The following KIAA1217 variants were observed in gnomAD, a reference collection of about 807,000 sequenced individuals.
KIAA1217 encodes the protein sickle tail protein homolog.
A neutral mutation model predicts 163.9 loss-of-function variants in KIAA1217; 88 were observed. The observed-to-expected ratio is 0.54, with a 90% confidence interval of 0.45 to 0.64. The LOEUF is 0.64. KIAA1217 is among the 30% of genes least tolerant of loss of function. The probability of loss-of-function intolerance (pLI) is 0.00; values close to 1 mark genes in which losing one functional copy is unlikely to be tolerated. For missense variants in KIAA1217, 2,372 were observed against 2,475.0 expected, an observed-to-expected ratio of 0.96 and a Z score of 0.88; for synonymous variants, 903 against 923.1, an observed-to-expected ratio of 0.98 and a Z score of 0.39.
At chr10:24,499,086 G>A (rs932203809) in intron 8 of KIAA1217, among the ~76,000 whole-genome samples, 15 of 152,188 alleles carry the variant, frequency 9.9e-5, no homozygotes, top group African/African-American at 3.6e-4. Context: ...TATCAGAAAT[G>A]ATATGGCATG....
intron 2 of KIAA1217, among the ~76,000 whole-genome samples, chr10:24,224,500 C>A (rs1426260729): frequency 6.6e-6 from 1 of 151,550 alleles, no homozygotes; most frequent in Non-Finnish European, 1.5e-5. Flanking sequence ...CCACCATACA[C>A]CATACCCAGC....
intron 1 of KIAA1217, among the ~76,000 whole-genome samples, chr10:23,756,243 A>C (rs942235804): frequency 6.6e-6 from 1 of 151,952 alleles, no homozygotes; most frequent in Non-Finnish European, 1.5e-5. Context: ...GATTACAGGC[A>C]TGAGCCACCA....
intron 13 of KIAA1217, among the ~76,000 whole-genome samples, chr10:24,527,011 G>A (rs2072291957): frequency 6.6e-6 from 1 of 152,068 alleles, no homozygotes; most frequent in South Asian, 2.1e-4. Context: ...TTTCCACTCT[G>A]CCCCCTTAGA....
At chr10:23,773,800 C>T (rs1412814645) in intron 1 of KIAA1217, among the ~76,000 whole-genome samples, 1 of 152,062 alleles carries the variant, frequency 6.6e-6, no homozygotes, top group Non-Finnish European at 1.5e-5. Flanking sequence ...GATTTTTGTA[C>T]ATTGATTTTG....
chr10:24,510,945 T>A (rs894594399), intron 9 of KIAA1217, among the ~76,000 whole-genome samples: 5 of 152,064 alleles, frequency 3.3e-5, no homozygotes, highest in Non-Finnish European at 7.4e-5. Context: ...ATTCAACAGA[T>A]GTATTTTCAG....
intron 2 of KIAA1217, among the ~76,000 whole-genome samples, chr10:24,074,802 G>C (rs765531794): frequency 1.3e-5 from 2 of 149,716 alleles, no homozygotes; most frequent in Non-Finnish European, 3.0e-5. Flanking sequence ...CCGGGATCAA[G>C]TGATCCCCCA....
chr10:24,433,778 A>AAGTTAGAAT (rs149848801), intron 4 of KIAA1217, among the ~76,000 whole-genome samples: 10,794 of 152,208 alleles, frequency 0.071, 562 homozygotes, highest in East Asian at 0.16. Context: ...TACACATAAC[A>AAGTTAGAAT]AGTTAGAATA....
chr10:24,448,265 C>A (rs1344955915), intron 5 of KIAA1217, among the ~76,000 whole-genome samples: 2 of 152,028 alleles, frequency 1.3e-5, no homozygotes, highest in African/African-American at 4.8e-5. Flanking sequence ...CTGGAGTTTT[C>A]AGGAGTTGAA....
intron 1 of KIAA1217, among the ~76,000 whole-genome samples, chr10:24,215,789 G>A (rs189695040): frequency 6.6e-6 from 1 of 152,324 alleles, no homozygotes; most frequent in East Asian, 1.9e-4. Flanking sequence ...GGCGTTAGGT[G>A]GCTCTGAGTG....
At chr10:24,259,198 A>G (rs1289918749) in intron 2 of KIAA1217, among the ~76,000 whole-genome samples, 1 of 151,974 alleles carries the variant, frequency 6.6e-6, no homozygotes, top group East Asian at 1.9e-4. Context: ...TGTCTACTCA[A>G]GTAGGAAAGG....
At chr10:24,351,852 C>T (rs1026770779) in intron 2 of KIAA1217, among the ~76,000 whole-genome samples, 9 of 152,286 alleles carry the variant, frequency 5.9e-5, no homozygotes, top group South Asian at 2.1e-4. Context: ...GTTGCTGGAG[C>T]GAGATGGGCT....
At chr10:24,026,714 C>T (rs1288755170) in intron 2 of KIAA1217, among the ~76,000 whole-genome samples, 6 of 125,034 alleles carry the variant, frequency 4.8e-5, no homozygotes, top group Admixed American at 7.6e-5. Context: ...ATTTTTTTTT[C>T]CATTGCTTTC....
At chr10:23,785,825 C>A (rs1835467121) in intron 1 of KIAA1217, among the ~76,000 whole-genome samples, 1 of 151,510 alleles carries the variant, frequency 6.6e-6, no homozygotes, top group Non-Finnish European at 1.5e-5. Context: ...GGAAAAGGGG[C>A]TGGAGTAAAA....
intron 2 of KIAA1217, among the ~76,000 whole-genome samples, chr10:24,062,137 C>CT (rs564019249): frequency 1.7e-3 from 264 of 151,416 alleles, no homozygotes; most frequent in African/African-American, 5.8e-3. Flanking sequence ...TTAATGTATT[C>CT]TTTTTTTATT....
intron 5 of KIAA1217, chr10:24,466,930 C>T (rs1375484740): frequency 4.2e-6 from 1 of 239,346 alleles, no homozygotes; most frequent in Non-Finnish European, 6.8e-6. Flanking sequence ...TGAAATACAA[C>T]AAACTGTACA....
intron 2 of KIAA1217, among the ~76,000 whole-genome samples, chr10:24,125,322 CTGTGTG>C (rs58143239): frequency 0.049 from 7,090 of 143,772 alleles, 207 homozygotes; most frequent in Non-Finnish European, 0.063. Flanking sequence ...ATCCTATGCT[CTGTGTG>C]TGTGTGTGTG....
At chr10:24,121,508 T>C (rs1175187554) in intron 2 of KIAA1217, among the ~76,000 whole-genome samples, 1 of 152,166 alleles carries the variant, frequency 6.6e-6, no homozygotes, top group Non-Finnish European at 1.5e-5. Flanking sequence ...TGGGAGCAAA[T>C]AAGACACTTA....
chr10:24,143,658 C>T (rs564699616), intron 2 of KIAA1217, among the ~76,000 whole-genome samples: 8 of 152,042 alleles, frequency 5.3e-5, no homozygotes, highest in Non-Finnish European at 8.8e-5. Context: ...TACTTATTAT[C>T]TAGCTAATCT....
rs1018848562 is a variant in KIAA1217 at position 23,936,023 on chromosome 10, A to C, written c.-320-71202A>C. 4.6e-5 allele frequency among the ~76,000 whole-genome samples: 7 copies of C among 152,200 alleles called. No homozygotes were observed. In the East Asian group the frequency reaches 1.3e-3, roughly 29 times the overall value. ...ATGATGTATCCCCAATCCCTGTCCAAATGGCAAGAGGAAGAATCTTCTAGA... is the reference window on the plus strand; with the variant it reads ...ATGATGTATCCCCAATCCCTGTCCACATGGCAAGAGGAAGAATCTTCTAGA... On this transcript the variant is annotated intron_variant, in intron 1 of 18. Transcript: ENST00000376462.
Sources: allele counts gnomAD v4.1 joint callset (sites outside exome capture counted in the v4.1 genomes callset), GRCh38; gene constraint gnomAD v4.1.1; transcripts MANE v1.5; gene names NCBI Gene and HGNC (gene_info 2026-07-23, HGNC 2026-07-21).